Variants in RBM33 observed in about 807,000 individuals in gnomAD.
RBM33 encodes the protein RNA binding motif protein 33.
In RBM33, 28 loss-of-function variants were observed where a neutral mutation model predicts 132.6. That is an observed-to-expected ratio of 0.21 (90% CI 0.16 to 0.29). RBM33 has a LOEUF of 0.29. Among genes scored for constraint, RBM33 ranks in the 10% least tolerant of loss-of-function variants. The probability of loss-of-function intolerance (pLI) is 1.00; values close to 1 mark genes in which losing one functional copy is unlikely to be tolerated. For missense variants in RBM33, 1,291 were observed against 1,518.5 expected (o/e 0.85, Z 2.49); for synonymous variants, 634 against 593.0 (o/e 1.07, Z -1.01).
rs763081656 is a variant in RBM33 at position 155,774,621 on chromosome 7, A to G, written c.3438A>G (p.Ala1146=). The G allele has an allele frequency of 5.6e-6, 9 of 1,614,000 alleles. No individual in the cohort carries two copies. The highest frequency in any genetic ancestry group is 1.7e-5 in the Admixed American group (1 of 60,022). Residue 1146 remains alanine, a synonymous_variant, in exon 17 of 18, where the codon GCA becomes GCG. Coordinates refer to ENST00000401878, the MANE Select transcript of RBM33 (RefSeq NM_053043.3). The surrounding 1 kb of genome is among the most constrained non-coding windows in gnomAD (Gnocchi z 4.2). ...AIAKFKEPAH[A]LAFQQKFHRH... ...CTAAGTTCAAGGAGCCAGCCCACGC[A>G]TTAGCATTTCAGCAGAAATTCCACA...
In RBM33 at chr7:155,745,884, A is replaced by T. The variant is rs542409909; in HGVS notation, c.2979+282A>T. On this transcript the variant is annotated intron_variant, in intron 14 of 17. Coordinates refer to ENST00000401878, the MANE Select transcript of RBM33 (RefSeq NM_053043.3). The surrounding 1 kb of genome is among the most constrained non-coding windows in gnomAD (Gnocchi z 4.1). ...GCTGCACACCTAGGCTATATGGTAC[A>T]GCCTGTTGCTCCCTGGCCACAAGCC... is the stretch of plus-strand genomic sequence containing the variant. 3.5e-4 allele frequency among the ~76,000 whole-genome samples: 53 copies of T among 152,216 alleles called. No homozygotes were observed. Among genetic ancestry groups the T allele is most frequent in the Non-Finnish European group, 6.3e-4 (43 of 68,028 alleles).
chr7:155,663,341 G>A (rs1798708243), intron 1 of RBM33, among the ~76,000 whole-genome samples: 2 of 151,978 alleles, frequency 1.3e-5, no homozygotes, highest in Admixed American at 6.6e-5. Context: ...TCTGTAGGCT[G>A]TACAAGTGTG....
chr7:155,645,461 T>C (rs1239824817), intron 1 of RBM33, among the ~76,000 whole-genome samples: 2 of 152,252 alleles, frequency 1.3e-5, no homozygotes, highest in South Asian at 2.1e-4. Flanking sequence ...TAAATCCCTG[T>C]TTTAAATTAA....
At chr7:155,673,585 TATATATATACACACATATAC>T (rs1799030413) in intron 3 of RBM33, among the ~76,000 whole-genome samples, 2 of 71,848 alleles carry the variant, frequency 2.8e-5, no homozygotes, top group South Asian at 7.7e-4. Context: ...CACACGTGTA[TATATATATACACACATATAC>T]ATACACACGT....
At chr7:155,720,551 T>C (rs1800592110) in intron 9 of RBM33, among the ~76,000 whole-genome samples, 1 of 152,236 alleles carries the variant, frequency 6.6e-6, no homozygotes, top group Non-Finnish European at 1.5e-5. Context: ...CCTGTGAATG[T>C]AAATGTAATT....
chr7:155,668,228 A>G (rs1487014175), intron 2 of RBM33, among the ~76,000 whole-genome samples: 4 of 152,248 alleles, frequency 2.6e-5, no homozygotes, highest in South Asian at 2.1e-4. Flanking sequence ...CACAGTGTGG[A>G]TATGTGTCTG....
In RBM33 at chr7:155,763,927, A is replaced by G. The variant is rs769825445; in HGVS notation, c.3095A>G (p.Gln1032Arg). 12 of 1,604,764 alleles carry G rather than the reference A, an allele frequency of 7.5e-6. No individual in the cohort carries two copies. Among genetic ancestry groups the G allele is most frequent in the Non-Finnish European group, 9.4e-6 (11 of 1,175,942 alleles). The change falls in exon 15 of 18, where the codon CAG (glutamine) becomes CGG (arginine). Residue 1032 changes from glutamine to arginine, a missense_variant. This residue lies in a region of RBM33 where 841 missense variants were observed against 912.0 expected (regional missense o/e 0.92). Coordinates refer to ENST00000401878, the MANE Select transcript of RBM33 (RefSeq NM_053043.3). ...RKVTLTRGGL[Q>R]QPPHLPAGPH... The stretch of plus-strand genomic sequence containing the variant: ...GTGACGCTGACCAGGGGGGGCCTCC[A>G]GCAGCCCCCACATCTGCCAGCGGGG...
intron 1 of RBM33, among the ~76,000 whole-genome samples, chr7:155,662,889 C>G (rs62482799): frequency 0.027 from 4,073 of 152,236 alleles, 81 homozygotes; most frequent in Non-Finnish European, 0.038. Flanking sequence ...GTGTTCTTGG[C>G]TGCACTGGTC....
chr7:155,685,018 T>C (rs1427797230), intron 5 of RBM33: 3 of 1,550,188 alleles, frequency 1.9e-6, no homozygotes, highest in Non-Finnish European at 2.6e-6. Context: ...TTAGATGAGA[T>C]TACTGATGCC....
intron 6 of RBM33, among the ~76,000 whole-genome samples, chr7:155,705,217 T>C (rs927341338): frequency 6.6e-6 from 1 of 152,188 alleles, no homozygotes; most frequent in African/African-American, 2.4e-5. Flanking sequence ...CCTGTCATAT[T>C]TTGGTGACCT....
intron 12 of RBM33, 51 bp downstream of exon 12, chr7:155,740,077 T>G (rs1801280575): frequency 6.1e-6 from 9 of 1,463,982 alleles, no homozygotes; most frequent in African/African-American, 1.4e-5. Flanking sequence ...GCCTTTTAAC[T>G]TACAGGACTT....
chr7:155,672,810 C>A, intron 2 of RBM33, 57 bp from the exon 3 acceptor site: 2 of 1,203,920 alleles, frequency 1.7e-6, no homozygotes, highest in Non-Finnish European at 2.3e-6. Context: ...AAGTGATCTA[C>A]AAACTTGCAA....
At chr7:155,673,768 G>GCGCACACACACACACACACACACACA (rs1554469952) in intron 3 of RBM33, among the ~76,000 whole-genome samples, 3 of 132,962 alleles carry the variant, frequency 2.3e-5, no homozygotes, top group Non-Finnish European at 3.1e-5. Flanking sequence ...GCGCATGCGC[G>GCGCACACACACACACACACACACACA]CACACACACA....
chr7:155,766,269 A>G (rs536362203), intron 15 of RBM33, among the ~76,000 whole-genome samples, 198 bp from the exon 16 acceptor site: 2 of 152,260 alleles, frequency 1.3e-5, no homozygotes, highest in East Asian at 3.9e-4. Flanking sequence ...TCCTCCGCCT[A>G]CACTTAAACT....
intron 1 of RBM33, among the ~76,000 whole-genome samples, chr7:155,662,766 C>T (rs1798687305): frequency 6.6e-6 from 1 of 152,020 alleles, no homozygotes; most frequent in East Asian, 1.9e-4. Context: ...GCCCACATGT[C>T]TCAGTAACAG....
chr7:155,672,818 C>T, intron 2 of RBM33, 49 bp from the exon 3 acceptor site: 1 of 1,369,170 alleles, frequency 7.3e-7, no homozygotes, highest in Non-Finnish European at 1.0e-6. Context: ...TACAAACTTG[C>T]AAGTCTTATG....
In RBM33 at chr7:155,650,380, TC is replaced by T. The variant is rs531709375; in HGVS notation, c.43+5465del. Among the ~76,000 whole-genome samples the T allele has an allele frequency of 3.3e-5, 5 of 152,366 alleles. No homozygotes were observed. In the South Asian group the frequency reaches 8.3e-4, roughly 25 times the overall value. ...TGCATCTGTTGTGATTATGTGTTCTTCCCCTGTTCTTTAATCTCTTAATGTA... is the reference window on the plus strand; with the variant it reads ...TGCATCTGTTGTGATTATGTGTTCTTCCCTGTTCTTTAATCTCTTAATGTA... On this transcript the variant is annotated intron_variant, in intron 1 of 17. Transcript: ENST00000401878.
intron 14 of RBM33, among the ~76,000 whole-genome samples, chr7:155,757,754 G>A (rs954020948): frequency 1.3e-5 from 2 of 152,062 alleles, no homozygotes; most frequent in Admixed American, 1.3e-4. Flanking sequence ...GGTTCTGCAG[G>A]CTTTACAGGA....
At chr7:155,664,321 T>A (rs139137959) in intron 1 of RBM33, among the ~76,000 whole-genome samples, 2,888 of 152,118 alleles carry the variant, frequency 0.019, 35 homozygotes, top group Middle Eastern at 0.031. Flanking sequence ...TGGCGCGATC[T>A]CCGCTCACTG....
Sources: gnomAD v4.1 joint callset for allele counts (sites outside exome capture counted in the v4.1 genomes callset) on GRCh38, gnomAD v4.1.1 for gene constraint, gnomAD v4.1.1 regional missense constraint, Gnocchi (gnomAD v3.1) non-coding constraint, MANE v1.5 for transcripts, NCBI Gene and HGNC (gene_info 2026-07-23, HGNC 2026-07-21) for gene names.